ERICH1: variants seen among roughly 807,000 people sequenced by gnomAD.
ERICH1 encodes glutamate-rich protein 1.
In ERICH1, 56 loss-of-function variants were observed where a neutral mutation model predicts 39.6. That is an observed-to-expected ratio of 1.41 (90% CI 1.14 to 1.77). The LOEUF is 1.77. Among genes scored for constraint, ERICH1 ranks in the 40% most tolerant of loss-of-function variants. The pLI is 0.00. For missense variants in ERICH1, 826 were observed against 575.4 expected (o/e 1.44, Z -4.45); for synonymous variants, 313 against 223.6 (o/e 1.40, Z -3.57).
chr8:635,427 G>C (rs940457977), intron 3 of ERICH1, among the ~76,000 whole-genome samples: 1 of 152,186 alleles, frequency 6.6e-6, no homozygotes, highest in Admixed American at 6.5e-5. Context: ...AATAGTGACA[G>C]CTAAGGCTGG....
At position 715,852 on chromosome 8, in the gene ERICH1, C is replaced by A; in HGVS notation, c.169+9G>T. The A allele has an allele frequency of 1.9e-6, 3 of 1,605,196 alleles. No homozygotes were observed. Among genetic ancestry groups the A allele is most frequent in the Non-Finnish European group, 2.5e-6 (3 of 1,176,748 alleles). ...TCTGAGACCCACCCACATCTGCAGA[C>A]AAACTCACCTGTCAAAGGCTCAGCA... On this transcript the variant is annotated intron_variant, in intron 2 of 5. Transcript: ENST00000262109.
At chr8:668,892 T>G in intron 4 of ERICH1, 100 bp from the exon 5 acceptor site, 1 of 1,055,192 alleles carries the variant, frequency 9.5e-7, no homozygotes. Context: ...AACCTACGCT[T>G]CCACACAGAA....
At chr8:685,141 C>T (rs767791542) in intron 3 of ERICH1, among the ~76,000 whole-genome samples, 1 of 152,162 alleles carries the variant, frequency 6.6e-6, no homozygotes, top group African/African-American at 2.4e-5. Flanking sequence ...ACCCCCAGAG[C>T]GGCCATTTTA....
At chr8:636,947 C>T (rs528124745) in intron 3 of ERICH1, among the ~76,000 whole-genome samples, 33 of 152,308 alleles carry the variant, frequency 2.2e-4, no homozygotes, top group African/African-American at 7.9e-4. Flanking sequence ...CAGCATTTCC[C>T]AGCCTGCACA....
intron 3 of ERICH1, among the ~76,000 whole-genome samples, chr8:656,544 A>G (rs1187876080): frequency 6.6e-6 from 1 of 152,152 alleles, no homozygotes; most frequent in African/African-American, 2.4e-5. Context: ...TGCACCATGG[A>G]TTACACTGCC....
At chr8:623,091 G>C (rs1419743675) in intron 3 of ERICH1, among the ~76,000 whole-genome samples, 1 of 152,104 alleles carries the variant, frequency 6.6e-6, no homozygotes, top group East Asian at 1.9e-4. Context: ...TATGACGAGA[G>C]ATAAAACAGG....
chr8:695,282 A>G (rs1809892318), intron 2 of ERICH1, among the ~76,000 whole-genome samples: 1 of 151,936 alleles, frequency 6.6e-6, no homozygotes, highest in African/African-American at 2.4e-5. Context: ...CTCTCCCACC[A>G]TCTTTCAAAG....
intron 3 of ERICH1, chr8:640,766 A>G (rs1046280121): frequency 6.6e-6 from 1 of 152,250 alleles, no homozygotes; most frequent in Non-Finnish European, 1.5e-5. Context: ...GACCTGGAAT[A>G]CTTTTCCACG....
Position 731,165 on chromosome 8 carries a change from G to C in ERICH1, c.-4C>G. 6.6e-7 allele frequency: 1 copy of C among 1,508,376 alleles called. No individual in the cohort carries two copies. The highest frequency in any genetic ancestry group is 8.8e-7 in the Non-Finnish European group (1 of 1,130,624). 93.4% of individuals were successfully genotyped at this position (1,508,376 alleles called of 1,614,324 possible). On this transcript the variant is annotated 5_prime_UTR_variant, in exon 1 of 6. Transcript: ENST00000262109. ...CGTGCTTCCTGTGCGCCGCCATGCG[G>C]GACCCTGCCGCGGACCTCAGACCAC...
chr8:649,552 G>A (rs1308044098), intron 3 of ERICH1, among the ~76,000 whole-genome samples: 1 of 151,998 alleles, frequency 6.6e-6, no homozygotes, highest in Non-Finnish European at 1.5e-5. Flanking sequence ...GGGGAGAGGT[G>A]AGCCCTGTTG....
chr8:619,291 C>T (rs1170097696), intron 3 of ERICH1, among the ~76,000 whole-genome samples: 3 of 152,116 alleles, frequency 2.0e-5, no homozygotes, highest in Non-Finnish European at 2.9e-5. Flanking sequence ...TGAGACCCAC[C>T]GCGCACGAGG....
chr8:615,380 T>C (rs1422924617), intron 3 of ERICH1: 2 of 569,382 alleles, frequency 3.5e-6, no homozygotes, highest in African/African-American at 3.8e-5. Flanking sequence ...GATAAAGAGA[T>C]AACTAAGATT....
At chr8:671,022 G>A (rs888563615) in intron 4 of ERICH1, among the ~76,000 whole-genome samples, 7 of 150,938 alleles carry the variant, frequency 4.6e-5, no homozygotes, top group Non-Finnish European at 5.9e-5. Flanking sequence ...TGAACCTGCC[G>A]GCCCCTGCTC....
intron 3 of ERICH1, among the ~76,000 whole-genome samples, chr8:652,407 G>C (rs1800091398): frequency 6.6e-6 from 1 of 152,242 alleles, no homozygotes; most frequent in Non-Finnish European, 1.5e-5. Context: ...TTGGCTGCTG[G>C]TTGGAAAGAT....
rs139731216 is a variant in ERICH1 at position 708,681 on chromosome 8, GTTTTTTTTTTT to G, written c.169+7169_169+7179del. 6.5e-4 allele frequency among the ~76,000 whole-genome samples: 43 copies of G among 65,770 alleles called. 2 individuals carry two copies. Among genetic ancestry groups the G allele is most frequent in the Admixed American group, 5.6e-3 (29 of 5,188 alleles). 43.1% of individuals were successfully genotyped at this position (65,770 alleles called of 152,430 possible). A position where few individuals can be genotyped will look rare whatever the true frequency, so the allele number is the denominator to read the frequency against. On this transcript the variant is annotated intron_variant, in intron 2 of 5. Transcript: ENST00000262109. ...GGGCTGAGTGGTTACGGGATAATGA[GTTTTTTTTTTT>G]TTTTTTTTTTTTTTTTTTTGAGACA...
At chr8:669,813 C>A (rs1346077368) in intron 4 of ERICH1, among the ~76,000 whole-genome samples, 1 of 152,240 alleles carries the variant, frequency 6.6e-6, no homozygotes, top group Non-Finnish European at 1.5e-5. Flanking sequence ...GGCTGCTGGT[C>A]TTGTTTCTCT....
At chr8:616,944 GAGAGGGAGACAGAGACACAC>G in intron 3 of ERICH1, among the ~76,000 whole-genome samples, 1 of 37,828 alleles carries the variant, frequency 2.6e-5, no homozygotes, top group Non-Finnish European at 4.2e-5. Context: ...GAGAGAGAGG[GAGAGGGAGACAGAGACACAC>G]AGAGAGAGAG....
In ERICH1 at chr8:674,054, A is replaced by G. The variant is rs373110724; in HGVS notation, c.305-7T>C. ...TGGTCATGAGGATCCTGATCTGTTA[A>G]AAAAATTCAAATATAACAATTTTCA... On this transcript the variant is annotated splice_region_variant and splice_polypyrimidine_tract_variant and intron_variant, in intron 3 of 5. Transcript: ENST00000262109. 80 of 1,525,550 alleles carry G rather than the reference A, an allele frequency of 5.2e-5. No homozygotes were observed. In the African/African-American group the frequency reaches 1.1e-3, roughly 20 times the overall value. The allele number at this position is 1,525,550 out of a possible 1,614,324, so 94.5% of individuals were successfully genotyped here.
At chr8:684,530 C>T (rs1025150195) in intron 3 of ERICH1, among the ~76,000 whole-genome samples, 5 of 152,182 alleles carry the variant, frequency 3.3e-5, no homozygotes, top group African/African-American at 1.2e-4. Context: ...CTAAAACGCT[C>T]ATTTACTTCA....
Sources: allele counts gnomAD v4.1 joint callset (sites outside exome capture counted in the v4.1 genomes callset), GRCh38; gene constraint gnomAD v4.1.1; transcripts MANE v1.5; gene names NCBI Gene and HGNC (gene_info 2026-07-23, HGNC 2026-07-21).